Variants in MED13L observed in about 807,000 individuals in gnomAD.
MED13L encodes the protein mediator of RNA polymerase II transcription subunit 13-like.
MED13L carries 7 observed loss-of-function variants against 220.9 expected under a neutral mutation model. The ratio of observed to expected loss-of-function variants is 0.03; its 90% CI spans 0.02 to 0.06. The LOEUF (loss-of-function observed/expected upper bound fraction) is 0.06. Among genes scored for constraint, MED13L ranks in the 10% least tolerant of loss-of-function variants. MED13L has a pLI of 1.00. For synonymous variants in MED13L, 1,011 were observed against 1,015.2 expected, an observed-to-expected ratio of 1.00 and a Z score of 0.08; for missense variants, 1,965 against 2,760.5, an observed-to-expected ratio of 0.71 and a Z score of 6.46.
chr12:116,099,550 C>A (rs1431133097), intron 3 of MED13L, among the ~76,000 whole-genome samples: 1 of 152,060 alleles, frequency 6.6e-6, no homozygotes. Flanking sequence ...AGTAACAAAT[C>A]ATAAATTTAC....
intron 23 of MED13L, among the ~76,000 whole-genome samples, chr12:115,978,433 T>G (rs1877103711): frequency 6.6e-6 from 1 of 151,494 alleles, no homozygotes; most frequent in Admixed American, 6.6e-5. Flanking sequence ...TTCAAGCAAT[T>G]CTCCCGCCTC....
intron 4 of MED13L, among the ~76,000 whole-genome samples, chr12:116,054,072 T>G (rs1868739063): frequency 6.6e-6 from 1 of 152,182 alleles, no homozygotes; most frequent in African/African-American, 2.4e-5. Flanking sequence ...TATGCAATGA[T>G]GCCCCATTGT....
chr12:116,023,036 C>T (rs1403123337), intron 4 of MED13L, among the ~76,000 whole-genome samples: 2 of 152,142 alleles, frequency 1.3e-5, no homozygotes, highest in African/African-American at 4.8e-5. Context: ...CAGCTCACAC[C>T]TGTAACTCCA....
Position 116,277,010 on chromosome 12 carries a change from AC to A in MED13L, c.72+49del, listed in dbSNP as rs377558672. 7,336 of 981,152 alleles carry A rather than the reference AC, an allele frequency of 7.5e-3. 1 individual carries two copies. The highest frequency in any genetic ancestry group is 9.3e-3 in the East Asian group (303 of 32,748). The allele number at this position is 981,152 out of a possible 1,614,324, so 60.8% of individuals were successfully genotyped here. A position where few individuals can be genotyped will look rare whatever the true frequency, so the allele number is the denominator to read the frequency against. On this transcript the variant is annotated intron_variant, in intron 1 of 30. Coordinates refer to ENST00000281928, the MANE Select transcript of MED13L (RefSeq NM_015335.5). The stretch of plus-strand genomic sequence containing the variant: ...AGTTGGTCGGCGGCGGAGGTCGGGG[AC>A]CCCCCCCCTTCCCCGGCACAGCCCC...
At position 115,988,836 on chromosome 12, in the gene MED13L, C is replaced by G. The variant is rs372173485; in HGVS notation, c.3935-1548G>C. On this transcript the variant is annotated intron_variant, in intron 17 of 30. Coordinates refer to ENST00000281928, the MANE Select transcript of MED13L (RefSeq NM_015335.5). ...CATGCACACAGACTGCTTTTCTGTC[C>G]GAAGGCCTATCTAGTAAAAGGACTC... is the stretch of plus-strand genomic sequence containing the variant. Among the ~76,000 whole-genome samples the G allele has an allele frequency of 3.9e-5, 6 of 152,176 alleles. No individual in the cohort carries two copies. The East Asian group carries it at 5.8e-4, about 15-fold the overall frequency.
rs530497961 is a variant in MED13L at position 115,981,070 on chromosome 12, T to TA, written c.5176-133dup. ...CAATGGGGAGAGGTAACCTCAGCCT[T>TA]AAAATATATCTGTGCCACACATAAT... On this transcript the variant is annotated intron_variant, in intron 22 of 30. Coordinates refer to ENST00000281928, the MANE Select transcript of MED13L (RefSeq NM_015335.5). 1,393 of 711,830 alleles carry TA rather than the reference T, an allele frequency of 2.0e-3. 7 individuals carry two copies. Among genetic ancestry groups the TA allele is most frequent in the Non-Finnish European group, 1.4e-3 (581 of 417,636 alleles). 44.1% of individuals were successfully genotyped at this position (711,830 alleles called of 1,614,324 possible). A position where few individuals can be genotyped will look rare whatever the true frequency, so the allele number is the denominator to read the frequency against.
At chr12:116,253,821 G>A (rs145496850) in intron 1 of MED13L, among the ~76,000 whole-genome samples, 12 of 137,396 alleles carry the variant, frequency 8.7e-5, no homozygotes, top group African/African-American at 2.5e-4. Context: ...GTGCAGTGGC[G>A]CAATACCTGC....
At position 115,961,152 on chromosome 12, in the gene MED13L, TGTG is replaced by T. The variant is rs1875730513; in HGVS notation, c.*111_*113del. 2 of 1,356,504 alleles carry T rather than the reference TGTG, an allele frequency of 1.5e-6. No homozygotes were observed. The highest frequency in any genetic ancestry group is 2.9e-5 in the African/African-American group (2 of 69,696). 84.0% of individuals were successfully genotyped at this position (1,356,504 alleles called of 1,614,324 possible). A position where few individuals can be genotyped will look rare whatever the true frequency, so the allele number is the denominator to read the frequency against. On this transcript the variant is annotated 3_prime_UTR_variant, in exon 31 of 31. Transcript: ENST00000281928. ...CTGAGAAGGAATCACAGTGCAGGAC[TGTG>T]GAGAGTGGTCTGAAGAAAAGGATGT...
chr12:116,084,226 A>T (rs1253312877), intron 4 of MED13L, among the ~76,000 whole-genome samples: 2 of 152,086 alleles, frequency 1.3e-5, no homozygotes, highest in African/African-American at 4.8e-5. Context: ...GAGCCTTTCC[A>T]CTCTTAAAGT....
At chr12:116,276,716 G>T in intron 1 of MED13L, 1 of 637,836 alleles carries the variant, frequency 1.6e-6, no homozygotes, top group Non-Finnish European at 2.2e-6. Context: ...TTTACGGGGG[G>T]AAAAAAAGGG....
intron 1 of MED13L, among the ~76,000 whole-genome samples, chr12:116,250,876 C>T (rs978950949): frequency 6.7e-5 from 10 of 150,366 alleles, no homozygotes; most frequent in African/African-American, 2.2e-4. Context: ...TTGTGGACTA[C>T]ATGTCAGATA....
intron 2 of MED13L, among the ~76,000 whole-genome samples, chr12:116,165,148 C>T (rs984597874): frequency 6.6e-6 from 1 of 151,856 alleles, no homozygotes; most frequent in African/African-American, 2.4e-5. Flanking sequence ...AACTGACATT[C>T]AGACTCCTGA....
Position 116,005,884 on chromosome 12 carries a change from A to G in MED13L, c.2454T>C (p.Asp818=). 1 of 1,613,960 alleles carries G rather than the reference A, an allele frequency of 6.2e-7. No homozygotes were observed. The highest frequency in any genetic ancestry group is 8.5e-7 in the Non-Finnish European group (1 of 1,179,828). The change falls in exon 13 of 31, where the codon GAT becomes GAC. Residue 818 remains aspartate (D), a synonymous_variant. Coordinates refer to ENST00000281928, the MANE Select transcript of MED13L (RefSeq NM_015335.5). ...HDLDNIFDNS[D]DDELGAVSPA... ...GCAAACTCACCCCAAGTTCGTCGTCATCAGAATTATCAAAGATGTTGTCTA... is the reference window on the plus strand; with the variant it reads ...GCAAACTCACCCCAAGTTCGTCGTCGTCAGAATTATCAAAGATGTTGTCTA...
chr12:116,119,966 T>TA (rs1468660799), intron 2 of MED13L, among the ~76,000 whole-genome samples: 2 of 151,166 alleles, frequency 1.3e-5, no homozygotes, highest in East Asian at 3.9e-4. Flanking sequence ...CACCTACTGT[T>TA]ACAAATAATA....
At chr12:116,202,016 A>T (rs566924702) in intron 2 of MED13L, among the ~76,000 whole-genome samples, 2 of 152,358 alleles carry the variant, frequency 1.3e-5, no homozygotes, top group African/African-American at 4.8e-5. Context: ...TTTACAAAAC[A>T]GATGTTGCTG....
chr12:116,173,678 A>G (rs1377429247), intron 2 of MED13L, among the ~76,000 whole-genome samples: 1 of 152,204 alleles, frequency 6.6e-6, no homozygotes, highest in Non-Finnish European at 1.5e-5. Flanking sequence ...CATTTGCTGG[A>G]TAACAAAACG....
intron 4 of MED13L, among the ~76,000 whole-genome samples, chr12:116,027,010 AAT>A (rs1236558256): frequency 2.0e-5 from 3 of 152,224 alleles, no homozygotes; most frequent in African/African-American, 7.2e-5. Flanking sequence ...GGTACAAAAC[AAT>A]ATGAGTAATA....
intron 2 of MED13L, among the ~76,000 whole-genome samples, chr12:116,224,685 G>GTT (rs1459996125): frequency 1.3e-5 from 2 of 152,014 alleles, no homozygotes; most frequent in Non-Finnish European, 2.9e-5. Context: ...TTATTGTTTT[G>GTT]TTTTGTTTTT....
chr12:116,228,757 T>C (rs1344656784), intron 2 of MED13L, among the ~76,000 whole-genome samples: 2 of 152,248 alleles, frequency 1.3e-5, no homozygotes, highest in Admixed American at 6.5e-5. Context: ...TTCTAATATA[T>C]AATTCTTTCT....
Sources: gnomAD v4.1 joint callset for allele counts (sites outside exome capture counted in the v4.1 genomes callset) on GRCh38, gnomAD v4.1.1 for gene constraint, MANE v1.5 for transcripts, NCBI Gene and HGNC (gene_info 2026-07-23, HGNC 2026-07-21) for gene names.